The following PELI1 variants were observed in gnomAD, a reference collection of about 807,000 sequenced individuals.
PELI1 encodes pellino E3 ubiquitin protein ligase 1.
A neutral mutation model predicts 41.3 loss-of-function variants in PELI1; 15 were observed. The ratio of observed to expected loss-of-function variants is 0.36; its 90% CI spans 0.24 to 0.56. The LOEUF (loss-of-function observed/expected upper bound fraction) is 0.56, where lower values mean the gene tolerates loss of function less well. PELI1 is among the 20% of genes least tolerant of loss of function. PELI1 has a pLI of 0.82. For synonymous variants in PELI1, 178 were observed against 180.1 expected (o/e 0.99, Z 0.09); for missense variants, 403 against 525.5 (o/e 0.77, Z 2.28).
At chr2:64,112,188 A>G (rs1008712759) in intron 1 of PELI1, among the ~76,000 whole-genome samples, 1 of 152,214 alleles carries the variant, frequency 6.6e-6, no homozygotes, top group African/African-American at 2.4e-5. Context: ...GAAAGTGTAA[A>G]TGCCCGTATT....
chr2:64,120,866 C>A (rs980532506), intron 1 of PELI1, among the ~76,000 whole-genome samples: 5 of 152,172 alleles, frequency 3.3e-5, no homozygotes, highest in Non-Finnish European at 5.9e-5. Context: ...GTCCACAGGA[C>A]AATAGTTCTG....
chr2:64,130,486 T>G (rs1042635691), intron 1 of PELI1, among the ~76,000 whole-genome samples: 5 of 152,242 alleles, frequency 3.3e-5, no homozygotes, highest in African/African-American at 1.2e-4. Flanking sequence ...ATAATCTTTT[T>G]TGAGCTCCCA....
At chr2:64,135,359 G>A (rs1388161028) in intron 1 of PELI1, among the ~76,000 whole-genome samples, 1 of 151,094 alleles carries the variant, frequency 6.6e-6, no homozygotes, top group African/African-American at 2.4e-5. Context: ...AGTGTCTGAT[G>A]AGAGATCTCC....
intron 1 of PELI1, among the ~76,000 whole-genome samples, chr2:64,140,529 C>T (rs1681867049): frequency 6.6e-6 from 1 of 151,952 alleles, no homozygotes; most frequent in South Asian, 2.1e-4. Context: ...CTCTCTTTCT[C>T]TAGGCTTATT....
intron 1 of PELI1, among the ~76,000 whole-genome samples, chr2:64,112,911 G>A (rs1680852496): frequency 6.6e-6 from 1 of 151,896 alleles, no homozygotes; most frequent in Admixed American, 6.6e-5. Flanking sequence ...CCAGTACCTA[G>A]ACAATGCTTT....
At chr2:64,106,820 C>T (rs1003156977) in intron 2 of PELI1, among the ~76,000 whole-genome samples, 9 of 152,210 alleles carry the variant, frequency 5.9e-5, no homozygotes, top group South Asian at 4.1e-4. Flanking sequence ...ACTGAAACAA[C>T]GCATTCTCAC....
intron 5 of PELI1, 32 bp from the exon 6 acceptor site, chr2:64,096,345 T>A: frequency 1.3e-6 from 2 of 1,596,938 alleles, no homozygotes; most frequent in Non-Finnish European, 1.7e-6. Flanking sequence ...AGCTTCCAAC[T>A]TGTAACTTGT....
intron 1 of PELI1, among the ~76,000 whole-genome samples, chr2:64,111,530 C>CT (rs1446360602): frequency 1.3e-5 from 2 of 152,088 alleles, no homozygotes; most frequent in African/African-American, 4.8e-5. Context: ...GATATATTTG[C>CT]TTTTGCTGAA....
chr2:64,102,367 T>A (rs1450491129), intron 3 of PELI1, among the ~76,000 whole-genome samples: 1 of 152,018 alleles, frequency 6.6e-6, no homozygotes, highest in African/African-American at 2.4e-5. Flanking sequence ...CATATACATA[T>A]ATATATGTTT....
chr2:64,118,133 A>G (rs545407084), intron 1 of PELI1, among the ~76,000 whole-genome samples: 33 of 152,286 alleles, frequency 2.2e-4, no homozygotes, highest in Non-Finnish European at 4.1e-4. Flanking sequence ...AACAGAGTGA[A>G]TATTTTAAAT....
At position 64,094,659 on chromosome 2, in the gene PELI1, T is replaced by G; in HGVS notation, c.*43A>C. ...AACAGGTTCGAAAACCCAACTCACTTAGCTTATAAATTTATAATGTAGTCC... is the reference window on the plus strand; with the variant it reads ...AACAGGTTCGAAAACCCAACTCACTGAGCTTATAAATTTATAATGTAGTCC... On this transcript the variant is annotated 3_prime_UTR_variant, in exon 7 of 7. Transcript: ENST00000358912. The G allele has an allele frequency of 6.8e-7, 1 of 1,469,682 alleles. No homozygotes were observed. The allele number at this position is 1,469,682 out of a possible 1,614,324, so 91.0% of individuals were successfully genotyped here.
chr2:64,107,088 C>T (rs148036061), intron 2 of PELI1, among the ~76,000 whole-genome samples: 27 of 151,960 alleles, frequency 1.8e-4, no homozygotes, highest in Middle Eastern at 3.4e-3. Context: ...ACTATCATGC[C>T]CAGCTAATTT....
At chr2:64,119,401 C>A (rs1681130140) in intron 1 of PELI1, among the ~76,000 whole-genome samples, 1 of 152,200 alleles carries the variant, frequency 6.6e-6, no homozygotes, top group Non-Finnish European at 1.5e-5. Context: ...GTTAGCACCA[C>A]AAGCTATACA....
intron 1 of PELI1, among the ~76,000 whole-genome samples, chr2:64,131,362 G>C (rs1681549880): frequency 6.6e-6 from 1 of 151,732 alleles, no homozygotes; most frequent in Non-Finnish European, 1.5e-5. Context: ...ATGCCCTGGG[G>C]GTAGGGACCT....
intron 1 of PELI1, among the ~76,000 whole-genome samples, chr2:64,119,433 T>C (rs1171405736): frequency 2.0e-5 from 3 of 152,112 alleles, no homozygotes; most frequent in East Asian, 1.9e-4. Flanking sequence ...CACAGAAAAA[T>C]AAAATCCAGA....
intron 1 of PELI1, among the ~76,000 whole-genome samples, chr2:64,140,810 A>AAAAAAAAAAAAAC (rs1558490182): frequency 2.0e-5 from 3 of 147,228 alleles, no homozygotes; most frequent in African/African-American, 7.6e-5. Flanking sequence ...CAAACAAACA[A>AAAAAAAAAAAAAC]AAAAAAACCT....
At chr2:64,132,670 A>T (rs1035702310) in intron 1 of PELI1, among the ~76,000 whole-genome samples, 1 of 152,214 alleles carries the variant, frequency 6.6e-6, no homozygotes, top group Non-Finnish European at 1.5e-5. Context: ...GAATAAGTCT[A>T]GGAATATGTG....
chr2:64,107,192 T>C (rs1021820561), intron 2 of PELI1, among the ~76,000 whole-genome samples: 2 of 152,146 alleles, frequency 1.3e-5, no homozygotes, highest in Non-Finnish European at 2.9e-5. Context: ...GCCTCCCACC[T>C]GTAAGCTGGG....
intron 3 of PELI1, among the ~76,000 whole-genome samples, chr2:64,104,395 G>A (rs1042548364): frequency 6.6e-6 from 1 of 152,160 alleles, no homozygotes; most frequent in African/African-American, 2.4e-5. Flanking sequence ...AGGGCAGACA[G>A]CTGCATAATT....
Sources: gnomAD v4.1 joint callset for allele counts (sites outside exome capture counted in the v4.1 genomes callset) on GRCh38, gnomAD v4.1.1 for gene constraint, MANE v1.5 for transcripts, NCBI Gene and HGNC (gene_info 2026-07-23, HGNC 2026-07-21) for gene names.